Variants in CC2D2A observed in about 807,000 individuals in gnomAD.
CC2D2A encodes the protein coiled-coil and C2 domain containing 2A, also known as coiled-coil and C2 domain-containing protein 2A.
A neutral mutation model predicts 212.9 loss-of-function variants in CC2D2A; 155 were observed. That is an observed-to-expected ratio of 0.73 (90% confidence interval 0.64 to 0.83). The LOEUF (loss-of-function observed/expected upper bound fraction) is 0.83, where lower values mean the gene tolerates loss of function less well. CC2D2A is among the 40% of genes least tolerant of loss of function. CC2D2A has a pLI of 0.00. For synonymous variants in CC2D2A, 667 were observed against 686.5 expected, an observed-to-expected ratio of 0.97 and a Z score of 0.44; for missense variants, 1,856 against 1,956.2, an observed-to-expected ratio of 0.95 and a Z score of 0.97.
At chr4:15,588,179 C>T (rs1720938462) in intron 32 of CC2D2A, among the ~76,000 whole-genome samples, 2 of 152,134 alleles carry the variant, frequency 1.3e-5, no homozygotes, top group African/African-American at 4.8e-5. Context: ...ATCCAAAGCC[C>T]CCACCTAGCT....
chr4:15,574,570 A>G (rs989339789), intron 29 of CC2D2A, among the ~76,000 whole-genome samples: 1 of 152,212 alleles, frequency 6.6e-6, no homozygotes, highest in African/African-American at 2.4e-5. Flanking sequence ...TTTGCCTAAA[A>G]CTTAAGACTT....
At chr4:15,580,238 T>A in intron 30 of CC2D2A, 67 bp downstream of exon 30, 1 of 1,141,282 alleles carries the variant, frequency 8.8e-7, no homozygotes, top group Non-Finnish European at 1.3e-6. Flanking sequence ...ATTGCCATTT[T>A]AATTACCATA....
At chr4:15,556,805 T>G (rs1375748355) in intron 20 of CC2D2A, among the ~76,000 whole-genome samples, 2 of 152,216 alleles carry the variant, frequency 1.3e-5, no homozygotes, top group African/African-American at 4.8e-5. Context: ...CATCTCTGGC[T>G]AACTTTTCTC....
In CC2D2A at chr4:15,563,352, T is replaced by C. The variant is rs1367560573; in HGVS notation, c.3015-3T>C. The stretch of plus-strand genomic sequence containing the variant: ...AGTCCTGATCCTGTTCTGTAATCAT[T>C]AGCATTTTGGGCCTAAGCCTTTTCA... On this transcript the variant is annotated splice_region_variant and splice_polypyrimidine_tract_variant and intron_variant, in intron 23 of 36. Coordinates refer to ENST00000424120, the MANE Select transcript of CC2D2A (RefSeq NM_001378615.1). The C allele has an allele frequency of 6.3e-7, 1 of 1,597,268 alleles. No homozygotes were observed.
chr4:15,479,141 A>G, intron 3 of CC2D2A: 1 of 949,268 alleles, frequency 1.1e-6, no homozygotes, highest in Non-Finnish European at 1.6e-6. Flanking sequence ...TATGATGGGC[A>G]GTAGATGGCA....
At chr4:15,561,868 T>C (rs1719618651) in intron 23 of CC2D2A, among the ~76,000 whole-genome samples, 1 of 152,190 alleles carries the variant, frequency 6.6e-6, no homozygotes. Flanking sequence ...ATGAGCTATA[T>C]AGTCACAGTG....
chr4:15,486,830 G>C (rs926546835), intron 4 of CC2D2A, among the ~76,000 whole-genome samples: 6 of 151,698 alleles, frequency 4.0e-5, no homozygotes, highest in African/African-American at 1.5e-4. Flanking sequence ...ATACCCTATA[G>C]GTTTTCATAT....
chr4:15,501,516 A>G (rs185878257), intron 4 of CC2D2A, among the ~76,000 whole-genome samples: 23 of 152,280 alleles, frequency 1.5e-4, no homozygotes, highest in African/African-American at 4.1e-4. Context: ...GAGGCTCTCC[A>G]TAACTTGATC....
chr4:15,554,611 G>T (rs1375993285), intron 19 of CC2D2A, among the ~76,000 whole-genome samples: 2 of 152,232 alleles, frequency 1.3e-5, no homozygotes, highest in African/African-American at 4.8e-5. Flanking sequence ...AGCAAGTAGA[G>T]GTTGCAGTGA....
chr4:15,508,427 A>G (rs750846253), intron 6 of CC2D2A, among the ~76,000 whole-genome samples: 1 of 152,168 alleles, frequency 6.6e-6, no homozygotes, highest in Non-Finnish European at 1.5e-5. Context: ...CTATAGACCA[A>G]AAAAAAGACA....
At chr4:15,528,232 G>A (rs1373160902) in intron 12 of CC2D2A, among the ~76,000 whole-genome samples, 2 of 152,140 alleles carry the variant, frequency 1.3e-5, no homozygotes, top group Admixed American at 6.5e-5. Flanking sequence ...CTCGTTTTAC[G>A]AGTCTGTAAT....
chr4:15,587,356 G>A (rs1720896189), intron 31 of CC2D2A, among the ~76,000 whole-genome samples: 1 of 152,098 alleles, frequency 6.6e-6, no homozygotes. Flanking sequence ...CACAGCTGGG[G>A]GACTGGGGAC....
intron 30 of CC2D2A, among the ~76,000 whole-genome samples, chr4:15,582,890 T>C (rs1720713681): frequency 6.6e-6 from 1 of 151,888 alleles, no homozygotes; most frequent in South Asian, 2.1e-4. Flanking sequence ...ATAACAACAA[T>C]AAAACTACAG....
In CC2D2A at chr4:15,527,282, G is replaced by C. The variant is rs1031044858; in HGVS notation, c.1150-165G>C. Among the ~76,000 whole-genome samples the C allele has an allele frequency of 3.9e-5, 6 of 152,306 alleles. No homozygotes were observed. The South Asian group carries it at 6.2e-4, about 16-fold the overall frequency. ...TTTTGCTGTTCAAATATTCAAAAAA[G>C]AGCTGGCCTCTAAAACCTGGAAATA... On this transcript the variant is annotated intron_variant, in intron 11 of 36. Coordinates refer to ENST00000424120, the MANE Select transcript of CC2D2A (RefSeq NM_001378615.1).
At chr4:15,472,578 T>A (rs1019644632) in intron 1 of CC2D2A, among the ~76,000 whole-genome samples, 2 of 152,096 alleles carry the variant, frequency 1.3e-5, no homozygotes, top group African/African-American at 4.8e-5. Flanking sequence ...CTACTTCTAT[T>A]TTTTTCTTCC....
Position 15,527,495 on chromosome 4 carries a change from C to A in CC2D2A, c.1198C>A (p.Pro400Thr). Residue 400 changes from proline (P) to threonine (T), a missense_variant, in exon 12 of 37, where the codon CCT (proline) becomes ACT (threonine). Pro to Thr is a conservative substitution (Grantham distance 38). Transcript: ENST00000424120. ...TCAGCATGTGATCAGATCTGGAGAC[C>A]CTCCTGGAAATTTCCAACTGGACAT... Reference protein sequence around the residue: ...SSQHVIRSGDPPGNFQLDIDI... With the variant: ...SSQHVIRSGDTPGNFQLDIDI... The A allele has an allele frequency of 1.2e-6, 2 of 1,613,580 alleles. No individual in the cohort carries two copies. Among genetic ancestry groups the A allele is most frequent in the South Asian group, 1.1e-5 (1 of 90,968 alleles).
In CC2D2A at chr4:15,538,071, G is replaced by A. The variant is rs1460942877; in HGVS notation, c.1937G>A (p.Trp646Ter). ...GCAGCCCAGAGCAGGAGGAGGCCTTGGGAGCCCACGCTGGTCCCGGAGCTA... is the reference window on the plus strand; with the variant it reads ...GCAGCCCAGAGCAGGAGGAGGCCTTAGGAGCCCACGCTGGTCCCGGAGCTA... ...ERAAQSRRRP[W>*]EPTLVPELSL... The change falls in exon 16 of 37, where the codon TGG becomes TAG. Residue 646 changes from tryptophan to a stop codon, truncating the protein, a stop_gained. Transcript: ENST00000424120. LOFTEE classifies it high-confidence loss of function. 1.9e-6 allele frequency: 3 copies of A among 1,607,136 alleles called. No individual in the cohort carries two copies. Among genetic ancestry groups the A allele is most frequent in the African/African-American group, 2.7e-5 (2 of 74,932 alleles).
chr4:15,529,294 A>T (rs1236515147), intron 13 of CC2D2A, among the ~76,000 whole-genome samples: 1 of 152,002 alleles, frequency 6.6e-6, no homozygotes, highest in African/African-American at 2.4e-5. Flanking sequence ...AGGAAGGAGG[A>T]TCGCTTGAGC....
chr4:15,524,164 C>T (rs190042071), intron 11 of CC2D2A, among the ~76,000 whole-genome samples: 1 of 152,150 alleles, frequency 6.6e-6, no homozygotes, highest in Non-Finnish European at 1.5e-5. Context: ...GACACAGCCT[C>T]GCTCTGTTGC....
Sources: allele counts gnomAD v4.1 joint callset (sites outside exome capture counted in the v4.1 genomes callset), GRCh38; gene constraint gnomAD v4.1.1; transcripts MANE v1.5; gene names NCBI Gene and HGNC (gene_info 2026-07-23, HGNC 2026-07-21).